THSD7B: variants seen among roughly 807,000 people sequenced by gnomAD.
THSD7B encodes thrombospondin type-1 domain-containing protein 7B.
In THSD7B, 138 loss-of-function variants were observed where a neutral mutation model predicts 213.6. The ratio of observed to expected loss-of-function variants is 0.65; its 90% confidence interval spans 0.56 to 0.74. THSD7B has a LOEUF of 0.74. Among genes scored for constraint, THSD7B ranks in the 30% least tolerant of loss-of-function variants. The pLI is 0.00. For synonymous variants in THSD7B, 742 were observed against 687.0 expected, an observed-to-expected ratio of 1.08 and a Z score of -1.25; for missense variants, 1,931 against 1,991.5, an observed-to-expected ratio of 0.97 and a Z score of 0.58.
At chr2:137,315,026 G>T (rs1270613531) in intron 12 of THSD7B, among the ~76,000 whole-genome samples, 1 of 152,220 alleles carries the variant, frequency 6.6e-6, no homozygotes, top group Admixed American at 6.5e-5. Context: ...GAGCTGTGTT[G>T]GGCTCCACCC....
intron 5 of THSD7B, among the ~76,000 whole-genome samples, chr2:137,122,715 C>T (rs996799408): frequency 2.0e-5 from 3 of 152,110 alleles, no homozygotes; most frequent in Non-Finnish European, 1.5e-5. Flanking sequence ...TTCACAGTCT[C>T]GGGCTTTGGA....
chr2:137,100,922 G>C (rs1340716075), intron 4 of THSD7B, among the ~76,000 whole-genome samples: 2 of 152,032 alleles, frequency 1.3e-5, no homozygotes, highest in African/African-American at 4.8e-5. Flanking sequence ...TTGGTTATGA[G>C]GGTTACTTCA....
chr2:137,578,164 G>GAACGAGATTA (rs1436741895), intron 17 of THSD7B, among the ~76,000 whole-genome samples: 1 of 152,222 alleles, frequency 6.6e-6, no homozygotes, highest in Non-Finnish European at 1.5e-5. Context: ...GTGATGAAAG[G>GAACGAGATTA]AACGAGATTC....
chr2:137,518,883 C>T (rs979963254), intron 15 of THSD7B, among the ~76,000 whole-genome samples: 9 of 152,184 alleles, frequency 5.9e-5, no homozygotes, highest in Admixed American at 1.3e-4. Flanking sequence ...GATCGGCCAG[C>T]TACTTGGTGG....
Position 137,001,700 on chromosome 2 carries a change from A to G in THSD7B, c.140-54720A>G, listed in dbSNP as rs141551486. On this transcript the variant is annotated intron_variant, in intron 2 of 27. Coordinates refer to ENST00000409968, the MANE Select transcript of THSD7B (RefSeq NM_001316349.2). ...ATTTGATGCAGTACTAAAGGCTCCA[A>G]TTCAGAAATATGTTCAAATCTTTGA... Among the ~76,000 whole-genome samples, 5 of 152,262 alleles carry G rather than the reference A, an allele frequency of 3.3e-5. No individual in the cohort carries two copies. In the East Asian group the frequency reaches 9.6e-4, roughly 29 times the overall value.
chr2:136,816,822 G>A (rs1296404185), intron 1 of THSD7B, among the ~76,000 whole-genome samples: 1 of 152,080 alleles, frequency 6.6e-6, no homozygotes, highest in Non-Finnish European at 1.5e-5. Context: ...TATTATACAC[G>A]AAGATTGAAT....
chr2:136,771,034 C>T (rs1386920244), intron 1 of THSD7B, among the ~76,000 whole-genome samples: 1 of 152,116 alleles, frequency 6.6e-6, no homozygotes, highest in Non-Finnish European at 1.5e-5. Flanking sequence ...ATTCTTCTAC[C>T]TCACAGCTGT....
At position 137,312,053 on chromosome 2, in the gene THSD7B, G is replaced by A. The variant is rs1465956055; in HGVS notation, c.2500+36027G>A. 8.0e-5 allele frequency among the ~76,000 whole-genome samples: 12 copies of A among 150,256 alleles called. No homozygotes were observed. The South Asian group carries it at 1.1e-3, about 13-fold the overall frequency. ...GTTAGGGAGAATTCCCTCTTTTTCT[G>A]TTGATTGGAATAGTTTCAGAAGGAA... On this transcript the variant is annotated intron_variant, in intron 12 of 27. Transcript: ENST00000409968.
At chr2:136,991,263 C>T (rs537931892) in intron 2 of THSD7B, among the ~76,000 whole-genome samples, 49 of 152,054 alleles carry the variant, frequency 3.2e-4, no homozygotes, top group Middle Eastern at 3.4e-3. Flanking sequence ...TCAGAGAGAA[C>T]GCATGCAAAA....
intron 21 of THSD7B, among the ~76,000 whole-genome samples, chr2:137,649,537 C>A (rs1423739714): frequency 6.6e-6 from 1 of 152,142 alleles, no homozygotes; most frequent in Non-Finnish European, 1.5e-5. Flanking sequence ...AAGAGACTAT[C>A]CTTTCCCCAC....
intron 6 of THSD7B, among the ~76,000 whole-genome samples, chr2:137,167,206 TA>T (rs1401072447): frequency 6.6e-6 from 1 of 151,628 alleles, no homozygotes; most frequent in East Asian, 1.9e-4. Context: ...TTTATTTATT[TA>T]TTTATTTATT....
intron 7 of THSD7B, among the ~76,000 whole-genome samples, chr2:137,229,833 A>T (rs1196396262): frequency 6.6e-6 from 1 of 152,178 alleles, no homozygotes; most frequent in East Asian, 1.9e-4. Flanking sequence ...ACTCAATAAC[A>T]TATGCAAAGC....
chr2:137,491,202 C>G (rs1688599555), intron 15 of THSD7B, among the ~76,000 whole-genome samples: 1 of 152,190 alleles, frequency 6.6e-6, no homozygotes, highest in Non-Finnish European at 1.5e-5. Context: ...GGAAACACGT[C>G]TCCCTAACAT....
chr2:137,652,026 A>G (rs1219756428), intron 21 of THSD7B, among the ~76,000 whole-genome samples: 1 of 152,104 alleles, frequency 6.6e-6, no homozygotes, highest in Non-Finnish European at 1.5e-5. Flanking sequence ...TGTATATTCT[A>G]CAACAATTGG....
At chr2:137,145,147 C>T (rs1167901089) in intron 5 of THSD7B, among the ~76,000 whole-genome samples, 1 of 151,996 alleles carries the variant, frequency 6.6e-6, no homozygotes, top group East Asian at 1.9e-4. Flanking sequence ...AAAGGAGAAG[C>T]TTCTTTTTTC....
At chr2:137,493,773 T>C (rs1419734591) in intron 15 of THSD7B, among the ~76,000 whole-genome samples, 1 of 152,200 alleles carries the variant, frequency 6.6e-6, no homozygotes, top group Non-Finnish European at 1.5e-5. Flanking sequence ...TTTTCTTTAT[T>C]TAATTTTTTA....
intron 12 of THSD7B, among the ~76,000 whole-genome samples, chr2:137,380,172 G>A (rs565866520): frequency 2.5e-4 from 38 of 151,930 alleles, no homozygotes; most frequent in African/African-American, 9.2e-4. Context: ...AACACTTTTG[G>A]AGGCCAAGGT....
chr2:137,014,695 G>A (rs1017269077), intron 2 of THSD7B, among the ~76,000 whole-genome samples: 1 of 152,184 alleles, frequency 6.6e-6, no homozygotes, highest in African/African-American at 2.4e-5. Flanking sequence ...CAGCTTCCGT[G>A]ACTCCAACAT....
chr2:137,517,589 C>A (rs1458829109), intron 15 of THSD7B, among the ~76,000 whole-genome samples: 1 of 152,180 alleles, frequency 6.6e-6, no homozygotes, highest in African/African-American at 2.4e-5. Context: ...GAATGTGTTA[C>A]TCCAGTCCAT....
Sources: allele counts gnomAD v4.1 joint callset (sites outside exome capture counted in the v4.1 genomes callset), GRCh38; gene constraint gnomAD v4.1.1; transcripts MANE v1.5; gene names NCBI Gene and HGNC (gene_info 2026-07-23, HGNC 2026-07-21).